The following TSPAN9 variants were observed in gnomAD, a reference collection of about 807,000 sequenced individuals.
TSPAN9 encodes tetraspanin 9.
TSPAN9 carries 16 observed loss-of-function variants against 31.0 expected under a neutral mutation model. The ratio of observed to expected loss-of-function variants is 0.52; its 90% CI spans 0.35 to 0.78. TSPAN9 has a LOEUF of 0.78. Ranked by LOEUF, TSPAN9 falls within the 30% of genes least tolerant of loss-of-function variation. The probability of loss-of-function intolerance (pLI) is 0.01; values close to 1 mark genes in which losing one functional copy is unlikely to be tolerated. For missense variants in TSPAN9, 272 were observed against 312.5 expected (o/e 0.87, Z 0.98); for synonymous variants, 145 against 121.6 (o/e 1.19, Z -1.27).
chr12:3,233,835 G>C (rs1316118603), intron 3 of TSPAN9, among the ~76,000 whole-genome samples: 2 of 152,216 alleles, frequency 1.3e-5, no homozygotes, highest in Non-Finnish European at 2.9e-5. Flanking sequence ...TCAAAGAAAA[G>C]AGCAGTCCTG....
chr12:3,283,229 C>G lies in TSPAN9; in HGVS notation c.*113C>G, dbSNP rs1862935188. 5 of 1,111,214 alleles carry G rather than the reference C, an allele frequency of 4.5e-6. No homozygotes were observed. The highest frequency in any genetic ancestry group is 6.4e-6 in the Non-Finnish European group (5 of 781,008). The allele number at this position is 1,111,214 out of a possible 1,614,324, so 68.8% of individuals were successfully genotyped here. A position where few individuals can be genotyped will look rare whatever the true frequency, so the allele number is the denominator to read the frequency against. On this transcript the variant is annotated 3_prime_UTR_variant, in exon 9 of 9. Coordinates refer to ENST00000011898, the MANE Select transcript of TSPAN9 (RefSeq NM_006675.5). ...ATATGACCCCTGCACCCACCCCCCA[C>G]AGCCTGCCCTACCCCACCTACCCTG...
At chr12:3,109,866 G>T (rs1179514979) in intron 2 of TSPAN9, among the ~76,000 whole-genome samples, 5 of 151,412 alleles carry the variant, frequency 3.3e-5, no homozygotes, top group Non-Finnish European at 5.9e-5. Flanking sequence ...AGGAGTTGAT[G>T]ATAGCAACAC....
intron 3 of TSPAN9, among the ~76,000 whole-genome samples, chr12:3,225,128 C>T (rs910536635): frequency 1.3e-5 from 2 of 152,160 alleles, no homozygotes; most frequent in South Asian, 2.1e-4. Context: ...CCCTGTGGTC[C>T]GAGCTGGGTT....
intron 2 of TSPAN9, among the ~76,000 whole-genome samples, chr12:3,095,829 G>C (rs1409477903): frequency 1.4e-5 from 2 of 144,018 alleles, no homozygotes; most frequent in African/African-American, 5.2e-5. Context: ...GCGGCCGGGC[G>C]GAGACGCTCC....
At chr12:3,138,772 C>T (rs142514890) in intron 2 of TSPAN9, among the ~76,000 whole-genome samples, 9 of 152,242 alleles carry the variant, frequency 5.9e-5, no homozygotes, top group East Asian at 1.9e-4. Flanking sequence ...CCATCGCATC[C>T]GGGCTACCCT....
At chr12:3,269,475 C>T in intron 3 of TSPAN9, among the ~76,000 whole-genome samples, 1 of 142,688 alleles carries the variant, frequency 7.0e-6, no homozygotes, top group African/African-American at 2.7e-5. Context: ...TTCCTGCAGC[C>T]TGCCCTCTGT....
At chr12:3,205,286 C>T (rs1192889708) in intron 3 of TSPAN9, among the ~76,000 whole-genome samples, 1 of 152,232 alleles carries the variant, frequency 6.6e-6, no homozygotes, top group East Asian at 1.9e-4. Context: ...TTAATGAAGG[C>T]TAATTAGCTG....
At chr12:3,199,462 C>T (rs2098369846) in intron 2 of TSPAN9, among the ~76,000 whole-genome samples, 1 of 152,258 alleles carries the variant, frequency 6.6e-6, no homozygotes, top group African/African-American at 2.4e-5. Context: ...TGCCCAGTTG[C>T]AGTGCTTTAC....
chr12:3,109,420 G>A (rs73247361), intron 2 of TSPAN9, among the ~76,000 whole-genome samples: 5,681 of 151,804 alleles, frequency 0.037, 345 homozygotes, highest in African/African-American at 0.13. Context: ...GGCATTAAAA[G>A]GTGATTGGAA....
At chr12:3,226,769 TA>T (rs57504040) in intron 3 of TSPAN9, among the ~76,000 whole-genome samples, 3 of 3,680 alleles carry the variant, frequency 8.2e-4, no homozygotes, top group Admixed American at 3.6e-3. Flanking sequence ...TATATATATA[TA>T]TATATATATA....
At chr12:3,169,095 G>A (rs572433332) in intron 2 of TSPAN9, among the ~76,000 whole-genome samples, 6 of 152,308 alleles carry the variant, frequency 3.9e-5, no homozygotes, top group South Asian at 2.1e-4. Flanking sequence ...ATTTTCACCC[G>A]CCTGTGAGTT....
In TSPAN9 at chr12:3,203,779, A is replaced by G. The variant is rs546024391; in HGVS notation, c.63+2523A>G. On this transcript the variant is annotated intron_variant, in intron 3 of 8. Transcript: ENST00000011898. ...GGGGAATTTAGCAGAAGACAAGTTC[A>G]TGCTTGTGTGTAAGAGTGTTTGCCA... Among the ~76,000 whole-genome samples, 4 of 152,336 alleles carry G rather than the reference A, an allele frequency of 2.6e-5. No homozygotes were observed. The East Asian group carries it at 5.8e-4, about 22-fold the overall frequency.
chr12:3,181,885 T>A (rs912371345), intron 2 of TSPAN9, among the ~76,000 whole-genome samples: 5 of 152,184 alleles, frequency 3.3e-5, no homozygotes, highest in African/African-American at 1.2e-4. Flanking sequence ...CATGGGTGCC[T>A]GAGCTCAAAA....
chr12:3,218,411 C>A (rs1361930290), intron 3 of TSPAN9, among the ~76,000 whole-genome samples: 1 of 152,218 alleles, frequency 6.6e-6, no homozygotes, highest in African/African-American at 2.4e-5. Context: ...ACTGAGCTCT[C>A]AAAAGGACTG....
At chr12:3,271,078 C>T (rs1862668435) in intron 3 of TSPAN9, among the ~76,000 whole-genome samples, 1 of 152,214 alleles carries the variant, frequency 6.6e-6, no homozygotes, top group East Asian at 1.9e-4. Context: ...TGTAGATATG[C>T]AAATGCTTTA....
chr12:3,087,768 G>GCA (rs2098301378), intron 2 of TSPAN9, among the ~76,000 whole-genome samples: 1 of 152,040 alleles, frequency 6.6e-6, no homozygotes, highest in Admixed American at 6.5e-5. Context: ...ATTGGCCACT[G>GCA]CACTCCAGCC....
Position 3,285,114 on chromosome 12 carries a change from C to G in TSPAN9, c.*1998C>G, listed in dbSNP as rs980368500. 6.6e-6 allele frequency: 1 copy of G among 152,200 alleles called. No individual in the cohort carries two copies. Among genetic ancestry groups the G allele is most frequent in the Non-Finnish European group, 1.5e-5 (1 of 68,070 alleles). 9.4% of individuals were successfully genotyped at this position (152,200 alleles called of 1,614,324 possible). On this transcript the variant is annotated 3_prime_UTR_variant, in exon 9 of 9. Coordinates refer to ENST00000011898, the MANE Select transcript of TSPAN9 (RefSeq NM_006675.5). Reference sequence around the variant, plus strand: ...TGAGCAAAGCTGCCCTGCCCTTGTCCCCTGGCCTGGCTTCCTGGTAAGGAG... The same window carrying G: ...TGAGCAAAGCTGCCCTGCCCTTGTCGCCTGGCCTGGCTTCCTGGTAAGGAG...
chr12:3,141,692 G>A (rs908206962), intron 2 of TSPAN9, among the ~76,000 whole-genome samples: 4 of 152,178 alleles, frequency 2.6e-5, no homozygotes, highest in African/African-American at 9.6e-5. Context: ...TGGGCTGCGC[G>A]GCCTCTGTGT....
intron 2 of TSPAN9, among the ~76,000 whole-genome samples, chr12:3,139,921 G>A (rs928261345): frequency 1.2e-4 from 19 of 152,192 alleles, no homozygotes; most frequent in African/African-American, 3.9e-4. Context: ...GGCTCAGGCC[G>A]TTGCACCCAC....
Sources: gnomAD v4.1 joint callset for allele counts (sites outside exome capture counted in the v4.1 genomes callset) on GRCh38, gnomAD v4.1.1 for gene constraint, MANE v1.5 for transcripts, NCBI Gene and HGNC (gene_info 2026-07-23, HGNC 2026-07-21) for gene names.